The following LYST variants were observed in gnomAD, a reference collection of about 807,000 sequenced individuals.
LYST encodes lysosomal trafficking regulator, also known as lysosomal-trafficking regulator.
A neutral mutation model predicts 413.6 loss-of-function variants in LYST; 192 were observed. The ratio of observed to expected loss-of-function variants is 0.46; its 90% CI spans 0.41 to 0.52. The LOEUF (loss-of-function observed/expected upper bound fraction) is 0.52, where lower values mean the gene tolerates loss of function less well. Among genes scored for constraint, LYST ranks in the 20% least tolerant of loss-of-function variants. The pLI is 0.00. For missense variants in LYST, 3,815 were observed against 4,499.9 expected (o/e 0.85, Z 4.35); for synonymous variants, 1,525 against 1,567.3 (o/e 0.97, Z 0.64).
In LYST at chr1:235,781,394, T is replaced by C. The variant is rs531993949; in HGVS notation, c.5024-339A>G. Among the ~76,000 whole-genome samples, 13 of 152,256 alleles carry C rather than the reference T, an allele frequency of 8.5e-5. No homozygotes were observed. In the South Asian group the frequency reaches 2.5e-3, roughly 29 times the overall value. On this transcript the variant is annotated intron_variant, in intron 15 of 52. Transcript: ENST00000389793. ...GGGAGCTATATCTTGGTAAACTCCA[T>C]TTCTAACTAAAATTTGAATCAATAT...
intron 38 of LYST, among the ~76,000 whole-genome samples, chr1:235,726,804 A>G (rs1325114475): frequency 6.6e-6 from 1 of 151,246 alleles, no homozygotes. Flanking sequence ...AGATGGACTC[A>G]GACTCTTCTG....
intron 8 of LYST, among the ~76,000 whole-genome samples, chr1:235,802,369 A>G (rs572959468): frequency 2.6e-5 from 4 of 152,244 alleles, no homozygotes; most frequent in African/African-American, 9.6e-5. Context: ...ATATAGTTCC[A>G]TCCTAAAGAC....
chr1:235,828,807 A>AT (rs1426635109), intron 3 of LYST: 2 of 777,814 alleles, frequency 2.6e-6, no homozygotes, highest in African/African-American at 1.9e-5. Flanking sequence ...GTCTAACATG[A>AT]TTTTTTCTGA....
intron 14 of LYST, among the ~76,000 whole-genome samples, chr1:235,784,355 C>CA (rs1670190262): frequency 6.6e-6 from 1 of 152,134 alleles, no homozygotes; most frequent in African/African-American, 2.4e-5. Context: ...GGTAAAAAAA[C>CA]AGAGTGATAT....
intron 2 of LYST, among the ~76,000 whole-genome samples, chr1:235,831,277 T>C (rs1430079759): frequency 6.6e-6 from 1 of 152,202 alleles, no homozygotes; most frequent in Non-Finnish European, 1.5e-5. Context: ...CACATATGAC[T>C]ATGCCTCTTG....
intron 1 of LYST, among the ~76,000 whole-genome samples, chr1:235,853,507 T>G (rs932886853): frequency 8.6e-5 from 13 of 150,824 alleles, no homozygotes; most frequent in African/African-American, 3.2e-4. Flanking sequence ...AAAAAAAACA[T>G]GTATAACAGC....
intron 1 of LYST, among the ~76,000 whole-genome samples, chr1:235,874,150 A>C (rs753856790): frequency 1.3e-5 from 2 of 152,208 alleles, no homozygotes; most frequent in Non-Finnish European, 2.9e-5. Context: ...GAATATTTAC[A>C]GTTTACCATT....
At chr1:235,740,081 G>A (rs1665216909) in intron 31 of LYST, among the ~76,000 whole-genome samples, 1 of 152,120 alleles carries the variant, frequency 6.6e-6, no homozygotes, top group African/African-American at 2.4e-5. Flanking sequence ...GAAAATACAG[G>A]CTAAATATGC....
rs759416818 is a variant in LYST at position 235,857,716 on chromosome 1, CGT to C, written c.-98+9125_-98+9126del. Among the ~76,000 whole-genome samples the C allele has an allele frequency of 3.5e-3, 507 of 143,228 alleles. 2 individuals carry two copies. The highest frequency in any genetic ancestry group is 4.4e-3 in the Non-Finnish European group (291 of 66,730). The allele number at this position is 143,228 out of a possible 152,430, so 94.0% of individuals were successfully genotyped here. On this transcript the variant is annotated intron_variant, in intron 1 of 52. Coordinates refer to ENST00000389793, the MANE Select transcript of LYST (RefSeq NM_000081.4). The stretch of plus-strand genomic sequence containing the variant: ...AGGTGTATATATATACACACACACA[CGT>C]ATATATACACAAACATATGTAAATA...
intron 47 of LYST, among the ~76,000 whole-genome samples, chr1:235,688,144 T>A (rs1458048162): frequency 6.6e-6 from 1 of 152,222 alleles, no homozygotes; most frequent in Non-Finnish European, 1.5e-5. Flanking sequence ...AATGCACTTT[T>A]AAAAAATACA....
intron 2 of LYST, among the ~76,000 whole-genome samples, chr1:235,833,194 T>C (rs1230579855): frequency 2.6e-5 from 4 of 152,110 alleles, no homozygotes; most frequent in Non-Finnish European, 5.9e-5. Context: ...AACAGAAATA[T>C]TGAATTTAAT....
chr1:235,790,009 G>A (rs1024040444), intron 12 of LYST, among the ~76,000 whole-genome samples: 8 of 152,000 alleles, frequency 5.3e-5, no homozygotes, highest in Admixed American at 3.9e-4. Context: ...GTATGATATC[G>A]CAGCAAAATA....
chr1:235,792,322 C>CA (rs1558252243), intron 11 of LYST, among the ~76,000 whole-genome samples, 197 bp from the exon 12 acceptor site: 1 of 148,992 alleles, frequency 6.7e-6, no homozygotes, highest in Non-Finnish European at 1.5e-5. Flanking sequence ...AGATTTCATT[C>CA]TTTTTTTTTT....
chr1:235,677,390 G>T, intron 49 of LYST, 90 bp downstream of exon 49: 1 of 1,363,980 alleles, frequency 7.3e-7, no homozygotes, highest in Non-Finnish European at 1.0e-6. Context: ...TGATTATAAC[G>T]TAAAGACATT....
chr1:235,737,887 T>G lies in LYST; in HGVS notation c.8359-3228A>C, dbSNP rs927334625. 16 of 1,122,156 alleles carry G rather than the reference T, an allele frequency of 1.4e-5. No homozygotes were observed. In the African/African-American group the frequency reaches 1.9e-4, roughly 13 times the overall value. 69.5% of individuals were successfully genotyped at this position (1,122,156 alleles called of 1,614,324 possible). On this transcript the variant is annotated intron_variant, in intron 31 of 52. Coordinates refer to ENST00000389793, the MANE Select transcript of LYST (RefSeq NM_000081.4). The stretch of plus-strand genomic sequence containing the variant: ...TTCCTTGACTGACTGTATTTAAAGG[T>G]AGCGAAGGTGCTGGAGCCGCTGCCG...
chr1:235,849,528 A>G (rs1678279142), intron 1 of LYST, among the ~76,000 whole-genome samples: 1 of 152,104 alleles, frequency 6.6e-6, no homozygotes, highest in African/African-American at 2.4e-5. Flanking sequence ...GCAATCAGAC[A>G]AGAGGAAGAA....
intron 44 of LYST, among the ~76,000 whole-genome samples, chr1:235,707,632 T>C (rs991853110): frequency 1.3e-5 from 2 of 151,838 alleles, no homozygotes; most frequent in African/African-American, 4.8e-5. Context: ...CAAAAATAAA[T>C]AAATAAATAA....
intron 27 of LYST, 40 bp downstream of exon 27, chr1:235,751,965 A>C: frequency 2.8e-6 from 4 of 1,447,744 alleles, no homozygotes; most frequent in Non-Finnish European, 3.9e-6. Context: ...TTTGTCTGTT[A>C]TACAACTCCC....
chr1:235,792,773 C>T (rs774559216), intron 11 of LYST, among the ~76,000 whole-genome samples: 4 of 151,722 alleles, frequency 2.6e-5, no homozygotes, highest in Non-Finnish European at 5.9e-5. Context: ...AAGCAATTCT[C>T]CTGCCTCAGC....
Sources: gnomAD v4.1 joint callset for allele counts (sites outside exome capture counted in the v4.1 genomes callset) on GRCh38, gnomAD v4.1.1 for gene constraint, MANE v1.5 for transcripts, NCBI Gene and HGNC (gene_info 2026-07-23, HGNC 2026-07-21) for gene names.